Variants in GABRB2 observed in about 807,000 individuals in gnomAD.
GABRB2 encodes gamma-aminobutyric acid receptor subunit beta-2.
In GABRB2, 16 loss-of-function variants were observed where a neutral mutation model predicts 54.7. The observed-to-expected ratio is 0.29, with a 90% CI of 0.20 to 0.44. The LOEUF (loss-of-function observed/expected upper bound fraction) is 0.44. Among genes scored for constraint, GABRB2 ranks in the 20% least tolerant of loss-of-function variants. The pLI is 1.00. For synonymous variants in GABRB2, 244 were observed against 233.8 expected (o/e 1.04, Z -0.40); for missense variants, 355 against 644.0 (o/e 0.55, Z 4.86).
chr5:161,484,695 A>T, intron 3 of GABRB2, among the ~76,000 whole-genome samples: 1 of 152,024 alleles, frequency 6.6e-6, no homozygotes, highest in Non-Finnish European at 1.5e-5. Flanking sequence ...CTACATATAC[A>T]ATGAATTCAA....
intron 5 of GABRB2, among the ~76,000 whole-genome samples, chr5:161,400,414 T>C (rs906667806): frequency 1.6e-4 from 24 of 152,142 alleles, no homozygotes; most frequent in Non-Finnish European, 3.2e-4. Flanking sequence ...GTAAACTAAG[T>C]AAACACGTTT....
At chr5:161,527,368 T>C (rs1330056029) in intron 3 of GABRB2, among the ~76,000 whole-genome samples, 5 of 151,544 alleles carry the variant, frequency 3.3e-5, no homozygotes, top group African/African-American at 9.7e-5. Flanking sequence ...TCAAATTTTA[T>C]ATGAAAATTT....
At chr5:161,439,525 G>C (rs889656149) in intron 4 of GABRB2, among the ~76,000 whole-genome samples, 2 of 152,162 alleles carry the variant, frequency 1.3e-5, no homozygotes, top group Non-Finnish European at 2.9e-5. Flanking sequence ...TGTAACTGGG[G>C]TGTGTAAGCT....
intron 5 of GABRB2, among the ~76,000 whole-genome samples, chr5:161,386,168 C>T (rs1444353448): frequency 6.6e-6 from 1 of 152,074 alleles, no homozygotes; most frequent in Non-Finnish European, 1.5e-5. Flanking sequence ...AAGTGGCCCT[C>T]ATGGATTTAT....
chr5:161,528,583 C>A (rs1760356553), intron 3 of GABRB2, among the ~76,000 whole-genome samples: 1 of 151,700 alleles, frequency 6.6e-6, no homozygotes, highest in African/African-American at 2.4e-5. Flanking sequence ...GTCTTTGATA[C>A]AAATGTTGAC....
chr5:161,311,764 C>T (rs1415207563), intron 9 of GABRB2, among the ~76,000 whole-genome samples: 1 of 152,188 alleles, frequency 6.6e-6, no homozygotes, highest in Non-Finnish European at 1.5e-5. Context: ...AATCTCAAGC[C>T]TTACCCTAGA....
intron 4 of GABRB2, among the ~76,000 whole-genome samples, chr5:161,438,830 A>C (rs1202505545): frequency 6.6e-6 from 1 of 152,102 alleles, no homozygotes; most frequent in Non-Finnish European, 1.5e-5. Flanking sequence ...GCTTGAAAAC[A>C]AGCTCTTTGA....
intron 9 of GABRB2, among the ~76,000 whole-genome samples, chr5:161,304,750 G>A (rs546535365): frequency 1.3e-5 from 2 of 151,682 alleles, no homozygotes; most frequent in Non-Finnish European, 2.9e-5. Flanking sequence ...TTTGGGGAGA[G>A]AACAGTACAT....
intron 3 of GABRB2, among the ~76,000 whole-genome samples, chr5:161,521,262 C>T (rs1760106636): frequency 1.3e-5 from 2 of 151,874 alleles, no homozygotes; most frequent in Admixed American, 1.3e-4. Flanking sequence ...CTAAAACCTC[C>T]ACCACTCTTT....
intron 4 of GABRB2, among the ~76,000 whole-genome samples, chr5:161,413,355 A>G (rs1397166979): frequency 6.6e-6 from 1 of 152,106 alleles, no homozygotes; most frequent in Non-Finnish European, 1.5e-5. Flanking sequence ...AATTAATTTA[A>G]TTAAGATTAC....
At chr5:161,514,910 A>T (rs1449494278) in intron 3 of GABRB2, among the ~76,000 whole-genome samples, 1 of 152,182 alleles carries the variant, frequency 6.6e-6, no homozygotes, top group Non-Finnish European at 1.5e-5. Flanking sequence ...TACTCTCATA[A>T]TTGTTAATGA....
intron 9 of GABRB2, among the ~76,000 whole-genome samples, chr5:161,315,025 G>C (rs1320350231): frequency 1.3e-5 from 2 of 152,056 alleles, no homozygotes; most frequent in African/African-American, 2.4e-5. Flanking sequence ...GCTTCTGGTA[G>C]TGATCTAGTA....
chr5:161,526,022 C>T (rs1383630804), intron 3 of GABRB2, among the ~76,000 whole-genome samples: 2 of 151,206 alleles, frequency 1.3e-5, no homozygotes, highest in Non-Finnish European at 3.0e-5. Flanking sequence ...CTTTTGCCTT[C>T]TTCTCAAAGG....
intron 5 of GABRB2, among the ~76,000 whole-genome samples, chr5:161,344,180 T>A (rs1754252085): frequency 6.6e-6 from 1 of 152,116 alleles, no homozygotes; most frequent in African/African-American, 2.4e-5. Flanking sequence ...AGCTCCAGCA[T>A]TAAAATATTT....
chr5:161,362,819 C>T (rs934798269), intron 5 of GABRB2, among the ~76,000 whole-genome samples: 1 of 151,974 alleles, frequency 6.6e-6, no homozygotes, highest in Non-Finnish European at 1.5e-5. Context: ...AAATCAAAAC[C>T]ACAATGAGAT....
At chr5:161,321,592 C>G (rs1758211951) in intron 9 of GABRB2, among the ~76,000 whole-genome samples, 1 of 152,050 alleles carries the variant, frequency 6.6e-6, no homozygotes, top group Non-Finnish European at 1.5e-5. Flanking sequence ...TCCTTAATAC[C>G]TTGCAAATTG....
At chr5:161,518,198 A>G (rs936005888) in intron 3 of GABRB2, among the ~76,000 whole-genome samples, 18 of 152,238 alleles carry the variant, frequency 1.2e-4, no homozygotes, top group African/African-American at 3.9e-4. Context: ...GGAAGATTCT[A>G]TTCTTAACAT....
intron 4 of GABRB2, among the ~76,000 whole-genome samples, chr5:161,417,228 T>C (rs1322093794): frequency 6.6e-6 from 1 of 152,216 alleles, no homozygotes; most frequent in East Asian, 1.9e-4. Context: ...ACATTGCTTG[T>C]AGGAGTTAGG....
chr5:161,440,078 A>C (rs1480155436), intron 4 of GABRB2, among the ~76,000 whole-genome samples: 38 of 138,212 alleles, frequency 2.7e-4, no homozygotes, highest in Non-Finnish European at 5.5e-4. Context: ...AAAAAAAAAA[A>C]ACAAAACACA....
Sources: allele counts gnomAD v4.1 joint callset (sites outside exome capture counted in the v4.1 genomes callset), GRCh38; gene constraint gnomAD v4.1.1; transcripts MANE v1.5; gene names NCBI Gene and HGNC (gene_info 2026-07-23, HGNC 2026-07-21).